The following CHL1 variants were observed in gnomAD, a reference collection of about 807,000 sequenced individuals.
CHL1 encodes the protein neural cell adhesion molecule L1-like protein.
A neutral mutation model predicts 141.9 loss-of-function variants in CHL1; 96 were observed. That is an observed-to-expected ratio of 0.68 (90% CI 0.57 to 0.80). The LOEUF is 0.80. Among genes scored for constraint, CHL1 ranks in the 30% least tolerant of loss-of-function variants. The pLI, the probability that CHL1 is intolerant of heterozygous loss-of-function variation, is 0.00. For synonymous variants in CHL1, 613 were observed against 502.2 expected, an observed-to-expected ratio of 1.22 and a Z score of -2.95; for missense variants, 1,820 against 1,457.2, an observed-to-expected ratio of 1.25 and a Z score of -4.05.
At chr3:373,655 G>A (rs1404572034) in intron 15 of CHL1, 3 of 152,438 alleles carry the variant, frequency 2.0e-5, no homozygotes, top group Non-Finnish European at 4.4e-5. Context: ...CCTCCACCAG[G>A]AGCTCGGTAG....
intron 15 of CHL1, among the ~76,000 whole-genome samples, chr3:370,898 T>C (rs1000096776): frequency 1.3e-5 from 2 of 152,208 alleles, no homozygotes; most frequent in Non-Finnish European, 2.9e-5. Flanking sequence ...TCAATTTCCA[T>C]GTAGTTGTGT....
At chr3:341,118 A>C (rs1702314254) in intron 6 of CHL1, among the ~76,000 whole-genome samples, 1 of 152,192 alleles carries the variant, frequency 6.6e-6, no homozygotes, top group Admixed American at 6.6e-5. Context: ...TTACCTTTGG[A>C]ATATAGATCA....
At chr3:402,986 G>A (rs978311544) in intron 27 of CHL1, among the ~76,000 whole-genome samples, 9 of 152,140 alleles carry the variant, frequency 5.9e-5, no homozygotes, top group African/African-American at 9.7e-5. Context: ...GCTTAGATGG[G>A]TACTTCTGGC....
At chr3:271,418 A>G (rs4685521) in intron 2 of CHL1, among the ~76,000 whole-genome samples, 10,688 of 152,258 alleles carry the variant, frequency 0.07, 443 homozygotes, top group Middle Eastern at 0.095. Flanking sequence ...CAGCCTGGGC[A>G]ATAGAGTGAG....
At chr3:372,694 AT>A (rs1200549260) in intron 15 of CHL1, among the ~76,000 whole-genome samples, 1 of 151,162 alleles carries the variant, frequency 6.6e-6, no homozygotes, top group African/African-American at 2.4e-5. Context: ...GGTTTTTAGC[AT>A]TTTTTTTGTT....
intron 2 of CHL1, among the ~76,000 whole-genome samples, chr3:253,366 A>G (rs1693880627): frequency 6.6e-6 from 1 of 152,182 alleles, no homozygotes. Context: ...ATGCTGAAGT[A>G]ACAGAGCTGG....
chr3:392,342 T>C (rs1207527167), intron 23 of CHL1, among the ~76,000 whole-genome samples: 1 of 152,228 alleles, frequency 6.6e-6, no homozygotes, highest in Non-Finnish European at 1.5e-5. Context: ...TATGCTTGTG[T>C]TTATCCAATG....
At position 268,551 on chromosome 3, in the gene CHL1, GTAAAATAAAATAAAA is replaced by G. The variant is rs555522110; in HGVS notation, c.-95+23873_-95+23887del. 3.1e-3 allele frequency among the ~76,000 whole-genome samples: 472 copies of G among 151,594 alleles called. 6 individuals carry two copies. Among genetic ancestry groups the G allele is most frequent in the African/African-American group, 0.011 (441 of 41,358 alleles). On this transcript the variant is annotated intron_variant, in intron 2 of 27. Coordinates refer to ENST00000256509, the MANE Select transcript of CHL1 (RefSeq NM_006614.4). The stretch of plus-strand genomic sequence containing the variant: ...CCCCATCTAAAAAAAATAAAATAAA[GTAAAATAAAATAAAA>G]TAAAATAAAATAATGACTAGCTTAT...
In CHL1 at chr3:308,500, T is replaced by G. The variant is rs539206277; in HGVS notation, c.-94-11183T>G. Among the ~76,000 whole-genome samples, 19 of 151,816 alleles carry G rather than the reference T, an allele frequency of 1.3e-4. No individual in the cohort carries two copies. In the South Asian group the frequency reaches 4.0e-3, roughly 32 times the overall value. ...AAGTAGATTAAAACCATCCAAAACATTGGGAGATATAGATAGACAGCTGAT... is the reference window on the plus strand; with the variant it reads ...AAGTAGATTAAAACCATCCAAAACAGTGGGAGATATAGATAGACAGCTGAT... On this transcript the variant is annotated intron_variant, in intron 2 of 27. Transcript: ENST00000256509.
chr3:359,385 C>A (rs1388720986), intron 11 of CHL1, among the ~76,000 whole-genome samples: 1 of 152,026 alleles, frequency 6.6e-6, no homozygotes, highest in African/African-American at 2.4e-5. Flanking sequence ...CTCACTGTAA[C>A]CTCCACCTCC....
At chr3:371,196 A>T (rs533118250) in intron 15 of CHL1, among the ~76,000 whole-genome samples, 6 of 152,134 alleles carry the variant, frequency 3.9e-5, no homozygotes, top group Non-Finnish European at 8.8e-5. Flanking sequence ...TAATATTGAC[A>T]GTGGGTTGTT....
At chr3:348,874 A>G (rs935772778) in intron 9 of CHL1, among the ~76,000 whole-genome samples, 2 of 152,194 alleles carry the variant, frequency 1.3e-5, no homozygotes, top group African/African-American at 4.8e-5. Flanking sequence ...CCCATTCTCC[A>G]TGATCAGCAT....
chr3:322,648 A>ATATATATATATATATATATATAAT (rs1700674893), intron 3 of CHL1, among the ~76,000 whole-genome samples: 8 of 45,516 alleles, frequency 1.8e-4, no homozygotes, highest in African/African-American at 1.7e-3. Context: ...TATATAAAAT[A>ATATATATATATATATATATATAAT]TATATATATA....
At chr3:378,384 G>T (rs1348958561) in intron 16 of CHL1, among the ~76,000 whole-genome samples, 1 of 152,180 alleles carries the variant, frequency 6.6e-6, no homozygotes, top group African/African-American at 2.4e-5. Context: ...GTTCCAGGAA[G>T]GATGGAGAGG....
At chr3:378,679 C>G (rs80311420) in intron 16 of CHL1, among the ~76,000 whole-genome samples, 287 of 152,200 alleles carry the variant, frequency 1.9e-3, no homozygotes, top group African/African-American at 6.6e-3. Context: ...AGTGGAGGGC[C>G]GTTTGGAGTG....
At chr3:337,958 A>G (rs1346248023) in intron 5 of CHL1, among the ~76,000 whole-genome samples, 1 of 152,180 alleles carries the variant, frequency 6.6e-6, no homozygotes, top group Admixed American at 6.5e-5. Context: ...GTCTTCCACA[A>G]TGGTTGAACC....
chr3:378,798 T>C (rs1559333473), intron 16 of CHL1, among the ~76,000 whole-genome samples: 1 of 152,198 alleles, frequency 6.6e-6, no homozygotes, highest in Non-Finnish European at 1.5e-5. Context: ...GATGAGGCTC[T>C]AGCAGCTGCA....
At chr3:231,135 G>T (rs1419400752) in intron 1 of CHL1, among the ~76,000 whole-genome samples, 1 of 152,124 alleles carries the variant, frequency 6.6e-6, no homozygotes, top group Admixed American at 6.6e-5. Context: ...TATCGGTTTT[G>T]TCTAACAGGA....
intron 2 of CHL1, among the ~76,000 whole-genome samples, chr3:252,868 T>C (rs551254235): frequency 1.3e-5 from 2 of 152,166 alleles, no homozygotes; most frequent in Admixed American, 6.6e-5. Context: ...GAATGTCCAA[T>C]TATCATGCTT....
Sources: allele counts gnomAD v4.1 joint callset (sites outside exome capture counted in the v4.1 genomes callset), GRCh38; gene constraint gnomAD v4.1.1; transcripts MANE v1.5; gene names NCBI Gene and HGNC (gene_info 2026-07-23, HGNC 2026-07-21).